Variants in THRB observed in about 807,000 individuals in gnomAD.
The protein encoded by THRB is thyroid hormone receptor beta.
THRB carries 12 observed loss-of-function variants against 47.8 expected under a neutral mutation model. That is an observed-to-expected ratio of 0.25 (90% confidence interval 0.16 to 0.41). THRB has a LOEUF of 0.41. Among genes scored for constraint, THRB ranks in the 10% least tolerant of loss-of-function variants. The probability of loss-of-function intolerance (pLI) is 1.00; values close to 1 mark genes in which losing one functional copy is unlikely to be tolerated. For synonymous variants in THRB, 218 were observed against 212.2 expected, an observed-to-expected ratio of 1.03 and a Z score of -0.24; for missense variants, 348 against 589.2, an observed-to-expected ratio of 0.59 and a Z score of 4.24.
intron 5 of THRB, among the ~76,000 whole-genome samples, chr3:24,170,191 C>G (rs1472133608): frequency 1.3e-5 from 2 of 152,176 alleles, no homozygotes; most frequent in Non-Finnish European, 2.9e-5. Flanking sequence ...CACCTGGGAG[C>G]TTAAGCAAAT....
At position 24,143,654 on chromosome 3, in the gene THRB, G is replaced by A. The variant is rs746952071; in HGVS notation, c.585C>T (p.Asn195=). 5.0e-6 allele frequency: 8 copies of A among 1,614,102 alleles called. No individual in the cohort carries two copies. In the South Asian group the frequency reaches 8.8e-5, roughly 18 times the overall value. ...GCTCTTCCCGCCGTCTTTTCTCCCG[G>A]TTCTCCTCTATCAGCTTCCTCTTGG... ...RLAKRKLIEE[N]REKRRREELQ... The change falls in exon 8 of 11, where the codon AAC becomes AAT. Residue 195 remains asparagine (N), a synonymous_variant. Coordinates refer to ENST00000646209, the MANE Select transcript of THRB (RefSeq NM_001354712.2).
intron 1 of THRB, among the ~76,000 whole-genome samples, chr3:24,415,827 CTT>C (rs1367301815): frequency 6.6e-6 from 1 of 151,864 alleles, no homozygotes; most frequent in Non-Finnish European, 1.5e-5. Flanking sequence ...AGTATCCTAA[CTT>C]AGTGAACTTA....
chr3:24,182,695 A>G (rs1235024770), intron 5 of THRB, among the ~76,000 whole-genome samples: 1 of 152,182 alleles, frequency 6.6e-6, no homozygotes, highest in Non-Finnish European at 1.5e-5. Context: ...TCTGTGAAAG[A>G]GGGTCCACAT....
intron 1 of THRB, among the ~76,000 whole-genome samples, chr3:24,351,480 C>T (rs141059215): frequency 1.3e-5 from 2 of 152,054 alleles, no homozygotes; most frequent in African/African-American, 2.4e-5. Flanking sequence ...ATTAGGCATT[C>T]AATAAAATGT....
At position 24,398,957 on chromosome 3, in the gene THRB, T is replaced by G. The variant is rs1290716140; in HGVS notation, c.-260-61586A>C. Among the ~76,000 whole-genome samples, 4 of 152,036 alleles carry G rather than the reference T, an allele frequency of 2.6e-5. No homozygotes were observed. The East Asian group carries it at 7.7e-4, about 29-fold the overall frequency. On this transcript the variant is annotated intron_variant, in intron 1 of 10. Coordinates refer to ENST00000646209, the MANE Select transcript of THRB (RefSeq NM_001354712.2). Reference sequence around the variant, plus strand: ...GATGGATGAAGCTGGATACCATCATTCTCAGCAAACTATCGCAAGGACAAA... The same window carrying G: ...GATGGATGAAGCTGGATACCATCATGCTCAGCAAACTATCGCAAGGACAAA...
In THRB at chr3:24,194,662, A is replaced by G. The variant is rs569381553; in HGVS notation, c.23-4328T>C. 2.2e-4 allele frequency among the ~76,000 whole-genome samples: 34 copies of G among 152,366 alleles called. 1 individual carries two copies. In the South Asian group the frequency reaches 6.4e-3, roughly 29 times the overall value. On this transcript the variant is annotated intron_variant, in intron 4 of 10. Transcript: ENST00000646209. ...GCTTTGATTGACACAACACTGATCCAAAGTGTTCTTTTGCAAAAGAGAAAC... is the reference window on the plus strand; with the variant it reads ...GCTTTGATTGACACAACACTGATCCGAAGTGTTCTTTTGCAAAAGAGAAAC...
chr3:24,490,735 C>T (rs1046412230), intron 1 of THRB, among the ~76,000 whole-genome samples: 2 of 152,070 alleles, frequency 1.3e-5, no homozygotes, highest in Non-Finnish European at 2.9e-5. Context: ...TTGGCTGACA[C>T]ACTAGATATT....
At chr3:24,463,567 T>C (rs2073885491) in intron 1 of THRB, among the ~76,000 whole-genome samples, 1 of 152,160 alleles carries the variant, frequency 6.6e-6, no homozygotes, top group Non-Finnish European at 1.5e-5. Context: ...CTACATTTGA[T>C]AATAATCTTT....
At chr3:24,396,610 TG>T (rs1238215835) in intron 1 of THRB, among the ~76,000 whole-genome samples, 2 of 152,112 alleles carry the variant, frequency 1.3e-5, no homozygotes, top group Non-Finnish European at 2.9e-5. Flanking sequence ...TATGCACCAC[TG>T]GGTGAGCGCT....
intron 3 of THRB, among the ~76,000 whole-genome samples, chr3:24,267,484 T>C (rs1388306666): frequency 1.3e-5 from 2 of 152,154 alleles, no homozygotes; most frequent in Non-Finnish European, 2.9e-5. Flanking sequence ...CAAAATTTAG[T>C]CAGCCTCCTG....
At chr3:24,229,607 A>T (rs1307133074) in intron 3 of THRB, among the ~76,000 whole-genome samples, 1 of 152,200 alleles carries the variant, frequency 6.6e-6, no homozygotes, top group Non-Finnish European at 1.5e-5. Context: ...CAACAGTCAG[A>T]CTTGGCCCTC....
intron 1 of THRB, among the ~76,000 whole-genome samples, chr3:24,369,853 G>T (rs1446818768): frequency 6.6e-6 from 1 of 152,090 alleles, no homozygotes; most frequent in African/African-American, 2.4e-5. Flanking sequence ...TAGCCCAAGG[G>T]TTAAAGACAC....
At chr3:24,274,881 C>G (rs1286348564) in intron 3 of THRB, among the ~76,000 whole-genome samples, 2 of 150,370 alleles carry the variant, frequency 1.3e-5, no homozygotes, top group Non-Finnish European at 2.9e-5. Context: ...ATGAGAGAGA[C>G]AGTTTTTTTT....
At chr3:24,215,439 C>G (rs1355431310) in intron 4 of THRB, among the ~76,000 whole-genome samples, 1 of 152,200 alleles carries the variant, frequency 6.6e-6, no homozygotes, top group Non-Finnish European at 1.5e-5. Context: ...TCCATTACTC[C>G]ATGCCAACTC....
intron 3 of THRB, among the ~76,000 whole-genome samples, chr3:24,251,107 T>A (rs2050623896): frequency 6.6e-6 from 1 of 152,136 alleles, no homozygotes; most frequent in Non-Finnish European, 1.5e-5. Flanking sequence ...AAACAACTCT[T>A]TGTCAAAGAG....
At chr3:24,342,575 G>C (rs1172947005) in intron 1 of THRB, among the ~76,000 whole-genome samples, 1 of 152,098 alleles carries the variant, frequency 6.6e-6, no homozygotes, top group Non-Finnish European at 1.5e-5. Context: ...TCAGTCCTCC[G>C]ATCTTCCTCC....
intron 1 of THRB, among the ~76,000 whole-genome samples, chr3:24,382,503 A>G (rs1187466010): frequency 6.6e-6 from 1 of 152,132 alleles, no homozygotes; most frequent in Admixed American, 6.6e-5. Context: ...GCAATCTCAA[A>G]TTTGGTTAAA....
At chr3:24,175,635 C>T (rs1432528994) in intron 5 of THRB, among the ~76,000 whole-genome samples, 2 of 152,128 alleles carry the variant, frequency 1.3e-5, no homozygotes, top group African/African-American at 2.4e-5. Flanking sequence ...AATGTCTGCT[C>T]TTTTTTATAA....
chr3:24,461,544 T>G (rs770191749), intron 1 of THRB, among the ~76,000 whole-genome samples: 1 of 152,246 alleles, frequency 6.6e-6, no homozygotes, highest in Non-Finnish European at 1.5e-5. Flanking sequence ...GCTAATAAAA[T>G]AGAGATGTGG....
Sources: allele counts gnomAD v4.1 joint callset (sites outside exome capture counted in the v4.1 genomes callset), GRCh38; gene constraint gnomAD v4.1.1; transcripts MANE v1.5; gene names NCBI Gene and HGNC (gene_info 2026-07-23, HGNC 2026-07-21).